The following MAPK10 variants were observed in gnomAD, a reference collection of about 807,000 sequenced individuals.
The protein encoded by MAPK10 is mitogen-activated protein kinase 10, also known as JNK3 alpha protein kinase.
A neutral mutation model predicts 59.3 loss-of-function variants in MAPK10; 25 were observed. The observed-to-expected ratio is 0.42, with a 90% CI of 0.31 to 0.59. The LOEUF (loss-of-function observed/expected upper bound fraction) is 0.59. Among genes scored for constraint, MAPK10 ranks in the 20% least tolerant of loss-of-function variants. The pLI, the probability that MAPK10 is intolerant of heterozygous loss-of-function variation, is 0.15. For synonymous variants in MAPK10, 190 were observed against 200.5 expected (o/e 0.95, Z 0.44); for missense variants, 351 against 568.9 (o/e 0.62, Z 3.90).
In MAPK10 at chr4:86,519,143, T is replaced by A. The variant is rs886808469; in HGVS notation, c.-263+74767A>T. ...TCTGTTAAGTCCATTTATTCTAGGGTATAGTTTAAGTCCACTGTTTCTTTG... is the reference window on the plus strand; with the variant it reads ...TCTGTTAAGTCCATTTATTCTAGGGAATAGTTTAAGTCCACTGTTTCTTTG... On this transcript the variant is annotated intron_variant, in intron 1 of 4. Transcript: ENST00000502302. 7.9e-5 allele frequency among the ~76,000 whole-genome samples: 12 copies of A among 152,308 alleles called. No individual in the cohort carries two copies. In the East Asian group the frequency reaches 2.1e-3, roughly 27 times the overall value.
At chr4:86,154,231 A>C (rs908031775) in intron 4 of MAPK10, among the ~76,000 whole-genome samples, 3 of 152,112 alleles carry the variant, frequency 2.0e-5, no homozygotes, top group African/African-American at 7.2e-5. Context: ...TCATAACCAT[A>C]AGATGCTCCC....
chr4:86,457,854 C>T (rs1319993613), upstream of MAPK10: 2 of 152,052 alleles, frequency 1.3e-5, no homozygotes, highest in Non-Finnish European at 2.9e-5. Context: ...ATAGCCAAAG[C>T]AAGACTCAGC....
upstream of MAPK10, among the ~76,000 whole-genome samples, chr4:86,457,114 A>G (rs536223352): frequency 2.6e-4 from 40 of 152,348 alleles, no homozygotes; most frequent in Middle Eastern, 6.8e-3. Flanking sequence ...GCATCCCTTT[A>G]TGATTAAAAC....
intron 2 of MAPK10, among the ~76,000 whole-genome samples, chr4:86,344,304 G>A (rs1400942319): frequency 6.6e-6 from 1 of 152,088 alleles, no homozygotes; most frequent in African/African-American, 2.4e-5. Context: ...TTTTTTCGTA[G>A]AGTCAGTGTC....
chr4:86,014,702 G>A lies in MAPK10; in HGVS notation c.*2526C>T, dbSNP rs1013863679. ...GAGCTTTGGGAAGGTACTAACAGCG[G>A]GGGAGGGGCCCTGTCTAGTTCTTGC... On this transcript the variant is annotated 3_prime_UTR_variant, in exon 14 of 14. Coordinates refer to ENST00000641462, the MANE Select transcript of MAPK10 (RefSeq NM_138982.4). 2.6e-5 allele frequency: 4 copies of A among 152,238 alleles called. No individual in the cohort carries two copies. The highest frequency in any genetic ancestry group is 4.4e-5 in the Non-Finnish European group (3 of 68,122). The allele number at this position is 152,238 out of a possible 1,614,324, so 9.4% of individuals were successfully genotyped here. A position where few individuals can be genotyped will look rare whatever the true frequency, so the allele number is the denominator to read the frequency against.
chr4:86,348,497 T>G (rs1729445990), intron 2 of MAPK10, among the ~76,000 whole-genome samples: 1 of 152,090 alleles, frequency 6.6e-6, no homozygotes, highest in Non-Finnish European at 1.5e-5. Context: ...AACTATAGAT[T>G]CATAAGTAAT....
intron 1 of MAPK10, among the ~76,000 whole-genome samples, chr4:86,562,083 T>TGTCTGTAATTG (rs1760719984): frequency 6.6e-6 from 1 of 152,150 alleles, no homozygotes; most frequent in African/African-American, 2.4e-5. Flanking sequence ...GGGCCAGGCA[T>TGTCTGTAATTG]GGTGGCTCAT....
intron 1 of MAPK10, among the ~76,000 whole-genome samples, chr4:86,471,862 T>A (rs994588306): frequency 3.3e-5 from 5 of 152,206 alleles, no homozygotes; most frequent in Non-Finnish European, 5.9e-5. Context: ...AGAAACTGAA[T>A]GTATAAGTAA....
At chr4:86,343,996 A>C (rs896219408) in intron 2 of MAPK10, among the ~76,000 whole-genome samples, 4 of 152,256 alleles carry the variant, frequency 2.6e-5, no homozygotes, top group Admixed American at 2.6e-4. Flanking sequence ...GGTAAATACC[A>C]GTGGCTACAA....
At chr4:86,100,953 TA>T in intron 8 of MAPK10, 98 bp downstream of exon 8, 1 of 1,031,878 alleles carries the variant, frequency 9.7e-7, no homozygotes, top group Non-Finnish European at 1.4e-6. Context: ...CCCTACTTTA[TA>T]AAAGCATGTA....
intron 3 of MAPK10, among the ~76,000 whole-genome samples, chr4:86,185,220 G>A (rs2077905157): frequency 6.6e-6 from 1 of 152,134 alleles, no homozygotes; most frequent in African/African-American, 2.4e-5. Flanking sequence ...GGAGAGAGAG[G>A]AGCAAAATTC....
chr4:86,242,924 G>T (rs952751516), intron 2 of MAPK10, among the ~76,000 whole-genome samples: 2 of 152,208 alleles, frequency 1.3e-5, no homozygotes, highest in African/African-American at 4.8e-5. Flanking sequence ...GCATTCTGGG[G>T]TTGGGACGCT....
At chr4:86,550,201 TC>T (rs76035788) in intron 1 of MAPK10, among the ~76,000 whole-genome samples, 34,280 of 151,574 alleles carry the variant, frequency 0.23, 4,598 homozygotes, top group Admixed American at 0.3. Context: ...CTAGCCATAC[TC>T]CCCGAGGAAT....
rs564844882 is a variant in MAPK10 at position 86,485,389 on chromosome 4, C to T, written c.-263+108521G>A. 2.9e-4 allele frequency among the ~76,000 whole-genome samples: 44 copies of T among 152,142 alleles called. No homozygotes were observed. In the South Asian group the frequency reaches 9.1e-3, roughly 32 times the overall value. Reference sequence around the variant, plus strand: ...CAGACTCCCTCAGTTGACTCTAAGCCCTAGGAACATATCCTTTTTCAGTTT... The same window carrying T: ...CAGACTCCCTCAGTTGACTCTAAGCTCTAGGAACATATCCTTTTTCAGTTT... On this transcript the variant is annotated intron_variant, in intron 1 of 4. Transcript: ENST00000502302.
intron 2 of MAPK10, among the ~76,000 whole-genome samples, chr4:86,320,718 A>G (rs1013886127): frequency 1.3e-5 from 2 of 152,200 alleles, no homozygotes; most frequent in Non-Finnish European, 2.9e-5. Flanking sequence ...TGTTTTAGAC[A>G]TGAAGCCTTG....
At chr4:86,029,098 G>T (rs1751847361) in intron 13 of MAPK10, 99 bp downstream of exon 13, 4 of 803,006 alleles carry the variant, frequency 5.0e-6, no homozygotes, top group Non-Finnish European at 9.0e-6. Context: ...TTGTCCATCT[G>T]CTCTTTAAGC....
In MAPK10 at chr4:86,204,331, A is replaced by T. The variant is rs561841353; in HGVS notation, c.-6-9924T>A. On this transcript the variant is annotated intron_variant, in intron 2 of 13. Transcript: ENST00000641462. ...ATAAATAATATCTCCATAGTTTTAC[A>T]TCTAAAACTTAGATGTTTCTTAAAA... is the stretch of plus-strand genomic sequence containing the variant. Among the ~76,000 whole-genome samples the T allele has an allele frequency of 9.2e-5, 14 of 152,140 alleles. No homozygotes were observed. The South Asian group carries it at 2.9e-3, about 32-fold the overall frequency.
At chr4:86,333,146 C>A (rs6847482) in intron 2 of MAPK10, among the ~76,000 whole-genome samples, 108,486 of 151,746 alleles carry the variant, frequency 0.71, 39,673 homozygotes, top group South Asian at 0.9. Flanking sequence ...AATTCAATAA[C>A]ATATAATCAA....
chr4:86,119,698 T>G (rs2149110065), intron 4 of MAPK10: 1 of 152,326 alleles, frequency 6.6e-6, no homozygotes, highest in Middle Eastern at 3.4e-3. Context: ...AAGGGCTTAT[T>G]ATGTCAGATG....
Sources: allele counts gnomAD v4.1 joint callset (sites outside exome capture counted in the v4.1 genomes callset), GRCh38; gene constraint gnomAD v4.1.1; transcripts MANE v1.5; gene names NCBI Gene and HGNC (gene_info 2026-07-23, HGNC 2026-07-21).